Variants in LNPEP observed in about 807,000 individuals in gnomAD.
LNPEP encodes leucyl-cystinyl aminopeptidase.
LNPEP carries 64 observed loss-of-function variants against 120.6 expected under a neutral mutation model. That is an observed-to-expected ratio of 0.53 (90% confidence interval 0.43 to 0.65). The LOEUF is 0.65. Ranked by LOEUF, LNPEP falls within the 30% of genes least tolerant of loss-of-function variation. LNPEP has a pLI of 0.00. For missense variants in LNPEP, 1,057 were observed against 1,200.0 expected, an observed-to-expected ratio of 0.88 and a Z score of 1.76; for synonymous variants, 435 against 425.4, an observed-to-expected ratio of 1.02 and a Z score of -0.28.
intron 1 of LNPEP, among the ~76,000 whole-genome samples, chr5:96,978,227 C>A (rs1189412647): frequency 6.6e-6 from 1 of 151,138 alleles, no homozygotes; most frequent in Non-Finnish European, 1.5e-5. Flanking sequence ...GATTATCGAC[C>A]CTTCTACTTC....
intron 9 of LNPEP, among the ~76,000 whole-genome samples, chr5:97,003,784 GT>G (rs1329394344): frequency 8.0e-5 from 12 of 149,162 alleles, no homozygotes; most frequent in Non-Finnish European, 1.3e-4. Context: ...GTAGCCAGTT[GT>G]TTTTTTTTTT....
intron 1 of LNPEP, among the ~76,000 whole-genome samples, chr5:96,964,593 C>A (rs984150805): frequency 6.6e-6 from 1 of 151,888 alleles, no homozygotes; most frequent in Non-Finnish European, 1.5e-5. Flanking sequence ...AGGTTTTTCT[C>A]TTTTTTTGCT....
In LNPEP at chr5:97,026,681, A is replaced by G. The variant is rs140772502; in HGVS notation, c.2788A>G (p.Thr930Ala). Reference sequence around the variant, plus strand: ...ACAGAAGCTGTCTTTTATCATTAGAACAGTGGGTCGACATTTTCCTGGACA... The same window carrying G: ...ACAGAAGCTGTCTTTTATCATTAGAGCAGTGGGTCGACATTTTCCTGGACA... ...RTQKLSFIIR[T>A]VGRHFPGHLL... The change falls in exon 16 of 18, where the codon ACA becomes GCA. Residue 930 changes from threonine to alanine, a missense_variant. Thr to Ala is a moderately conservative substitution (Grantham distance 58). Transcript: ENST00000231368. 3.7e-5 allele frequency: 60 copies of G among 1,613,188 alleles called. No individual in the cohort carries two copies. The African/African-American group carries it at 7.9e-4, about 21-fold the overall frequency.
At chr5:97,027,620 C>T (rs370828501) in intron 16 of LNPEP, 113 bp from the exon 17 acceptor site, 48 of 676,004 alleles carry the variant, frequency 7.1e-5, no homozygotes, top group African/African-American at 5.4e-4. Flanking sequence ...GTTGCAGTTC[C>T]GGGAGGAGGA....
chr5:97,003,784 G>GT (rs1329394344), intron 9 of LNPEP, among the ~76,000 whole-genome samples: 19 of 149,238 alleles, frequency 1.3e-4, no homozygotes, highest in South Asian at 4.2e-4. Flanking sequence ...GTAGCCAGTT[G>GT]TTTTTTTTTT....
chr5:96,978,757 G>A (rs530437706), intron 1 of LNPEP, among the ~76,000 whole-genome samples: 6 of 152,140 alleles, frequency 3.9e-5, no homozygotes, highest in African/African-American at 9.7e-5. Flanking sequence ...CTGACTCCTC[G>A]CCTGGTGGGG....
chr5:96,960,358 A>C (rs1424812284), intron 1 of LNPEP, among the ~76,000 whole-genome samples: 1 of 152,244 alleles, frequency 6.6e-6, no homozygotes, highest in African/African-American at 2.4e-5. Context: ...TTACGCTAAC[A>C]AGTCCACTGA....
At chr5:96,955,242 A>G (rs1178149413) in intron 1 of LNPEP, among the ~76,000 whole-genome samples, 2 of 152,120 alleles carry the variant, frequency 1.3e-5, no homozygotes, top group Admixed American at 6.5e-5. Context: ...ATTTTATATA[A>G]TTTTATGTAA....
At chr5:96,999,727 T>C (rs1257567182) in intron 8 of LNPEP, among the ~76,000 whole-genome samples, 1 of 152,066 alleles carries the variant, frequency 6.6e-6, no homozygotes, top group African/African-American at 2.4e-5. Flanking sequence ...ATTCAGTGTC[T>C]TCTGAATATG....
At chr5:96,972,392 T>C (rs895333073) in intron 1 of LNPEP, among the ~76,000 whole-genome samples, 20 of 152,152 alleles carry the variant, frequency 1.3e-4, no homozygotes, top group African/African-American at 4.6e-4. Flanking sequence ...CTCTTTGCTC[T>C]GGCTGGGTTG....
chr5:96,961,458 G>A (rs1420122593), intron 1 of LNPEP, among the ~76,000 whole-genome samples: 1 of 149,624 alleles, frequency 6.7e-6, no homozygotes, highest in Non-Finnish European at 1.5e-5. Context: ...GAAGCTAATT[G>A]TTTTTTTTAT....
At chr5:96,996,547 A>G in intron 7 of LNPEP, 44 bp downstream of exon 7, 1 of 941,786 alleles carries the variant, frequency 1.1e-6, no homozygotes, top group Non-Finnish European at 1.7e-6. Context: ...GCTAGGAGGA[A>G]AAATAGTCAA....
chr5:97,027,049 C>A (rs1561457160), intron 16 of LNPEP, among the ~76,000 whole-genome samples: 1 of 152,186 alleles, frequency 6.6e-6, no homozygotes, highest in South Asian at 2.1e-4. Flanking sequence ...TTTAGCTATG[C>A]ATATTGAAAA....
chr5:96,980,027 G>A, intron 2 of LNPEP, 49 bp downstream of exon 2: 1 of 1,510,058 alleles, frequency 6.6e-7, no homozygotes, highest in Non-Finnish European at 8.9e-7. Context: ...GATAACTTCT[G>A]CAATATAGAT....
chr5:96,965,826 C>A (rs1229544505), intron 1 of LNPEP, among the ~76,000 whole-genome samples: 1 of 152,078 alleles, frequency 6.6e-6, no homozygotes, highest in African/African-American at 2.4e-5. Flanking sequence ...CATTTTTCTT[C>A]TTTTACTGAA....
rs1327683920 is a variant in LNPEP at position 97,036,240 on chromosome 5, C to T, written c.*7707C>T. 1 of 151,992 alleles carries T rather than the reference C, an allele frequency of 6.6e-6. No homozygotes were observed. The highest frequency in any genetic ancestry group is 1.5e-5 in the Non-Finnish European group (1 of 67,958). The allele number at this position is 151,992 out of a possible 1,614,324, so 9.4% of individuals were successfully genotyped here. ...TAGAACATGAGCCCCAAAACTAAATCCAAAAGGAATTTTCTATCTTTCATC... is the reference window on the plus strand; with the variant it reads ...TAGAACATGAGCCCCAAAACTAAATTCAAAAGGAATTTTCTATCTTTCATC... On this transcript the variant is annotated 3_prime_UTR_variant, in exon 18 of 18. Coordinates refer to ENST00000231368, the MANE Select transcript of LNPEP (RefSeq NM_005575.3).
In LNPEP at chr5:96,985,157, C is replaced by G; in HGVS notation, c.938C>G (p.Ala313Gly). ...FPCFDEPAFKATFIIKIIRDE... is the reference protein window; with the variant it reads ...FPCFDEPAFKGTFIIKIIRDE... Reference sequence around the variant, plus strand: ...TGTTTTGATGAACCAGCATTTAAAGCCACTTTTATCATCAAGATCATAAGG... The same window carrying G: ...TGTTTTGATGAACCAGCATTTAAAGGCACTTTTATCATCAAGATCATAAGG... Residue 313 changes from alanine to glycine, a missense_variant, in exon 3 of 18, where the codon GCC becomes GGC. Coordinates refer to ENST00000231368, the MANE Select transcript of LNPEP (RefSeq NM_005575.3). 6.2e-7 allele frequency: 1 copy of G among 1,613,798 alleles called. No individual in the cohort carries two copies. The highest frequency in any genetic ancestry group is 2.2e-5 in the East Asian group (1 of 44,876).
chr5:97,035,946 G>A lies in LNPEP; in HGVS notation c.*7413G>A, dbSNP rs528654623. On this transcript the variant is annotated 3_prime_UTR_variant, in exon 18 of 18. Transcript: ENST00000231368. ...CCTGTGCTTTTGTAAATTCTAGAAA[G>A]GCAAGAGGACAATATTGAATAAAGC... 240 of 152,260 alleles carry A rather than the reference G, an allele frequency of 1.6e-3. 1 individual carries two copies. Among genetic ancestry groups the A allele is most frequent in the African/African-American group, 5.7e-3 (237 of 41,568 alleles). 9.4% of individuals were successfully genotyped at this position (152,260 alleles called of 1,614,324 possible). A position where few individuals can be genotyped will look rare whatever the true frequency, so the allele number is the denominator to read the frequency against.
At chr5:96,981,640 T>A (rs2112609786) in intron 2 of LNPEP, among the ~76,000 whole-genome samples, 1 of 152,296 alleles carries the variant, frequency 6.6e-6, no homozygotes, top group South Asian at 2.1e-4. Flanking sequence ...AAAAGTCTGT[T>A]TGCATACTAA....
Sources: allele counts gnomAD v4.1 joint callset (sites outside exome capture counted in the v4.1 genomes callset), GRCh38; gene constraint gnomAD v4.1.1; transcripts MANE v1.5; gene names NCBI Gene and HGNC (gene_info 2026-07-23, HGNC 2026-07-21).